PRR16: variants seen among roughly 807,000 people sequenced by gnomAD.
PRR16 encodes the protein protein Largen.
Under a neutral mutation model 18.2 loss-of-function variants are expected in PRR16, and 6 were observed. The ratio of observed to expected loss-of-function variants is 0.33; its 90% CI spans 0.18 to 0.65. The LOEUF is 0.65. Among genes scored for constraint, PRR16 ranks in the 30% least tolerant of loss-of-function variants. The pLI is 0.74. For missense variants in PRR16, 412 were observed against 376.6 expected, an observed-to-expected ratio of 1.09 and a Z score of -0.78; for synonymous variants, 151 against 147.8, an observed-to-expected ratio of 1.02 and a Z score of -0.16.
At chr5:120,645,232 C>T (rs1251839538) in intron 1 of PRR16, among the ~76,000 whole-genome samples, 3 of 151,924 alleles carry the variant, frequency 2.0e-5, no homozygotes, top group Non-Finnish European at 4.4e-5. Flanking sequence ...AAATTTTCAA[C>T]GTATGTGTTA....
At chr5:120,719,622 G>A in the PRR16 span, among the ~76,000 whole-genome samples, 5 of 152,026 alleles carry the variant, frequency 3.3e-5, no homozygotes, top group Non-Finnish European at 5.9e-5. Flanking sequence ...AACCAAAGAA[G>A]CCAGTTGTCT....
intron 1 of PRR16, among the ~76,000 whole-genome samples, chr5:120,642,799 C>T (rs1249517496): frequency 3.3e-5 from 5 of 151,962 alleles, no homozygotes; most frequent in Admixed American, 2.0e-4. Context: ...CATAGGCACA[C>T]GAAAACACTC....
At chr5:120,565,558 G>T (rs1322265881) in intron 1 of PRR16, among the ~76,000 whole-genome samples, 3 of 152,110 alleles carry the variant, frequency 2.0e-5, no homozygotes, top group Non-Finnish European at 4.4e-5. Flanking sequence ...AGGTGACCTG[G>T]AAAAATCATA....
At chr5:120,673,661 A>G (rs887570361) in intron 1 of PRR16, among the ~76,000 whole-genome samples, 1 of 152,146 alleles carries the variant, frequency 6.6e-6, no homozygotes, top group African/African-American at 2.4e-5. Context: ...GTACTAGGCC[A>G]GGCACAATGG....
chr5:120,616,391 G>A (rs966162513), intron 1 of PRR16, among the ~76,000 whole-genome samples: 1 of 152,120 alleles, frequency 6.6e-6, no homozygotes, highest in Non-Finnish European at 1.5e-5. Context: ...AATCCTTATA[G>A]TATCAACATC....
rs556161624 is a variant in PRR16, at chr5:120,564,577, C to T, written c.159+99932C>T. 6.6e-5 allele frequency among the ~76,000 whole-genome samples: 10 copies of T among 152,288 alleles called. No individual in the cohort carries two copies. The South Asian group carries it at 2.1e-3, about 32-fold the overall frequency. On this transcript the variant is annotated intron_variant, in intron 1 of 1. Coordinates refer to ENST00000407149, the MANE Select transcript of PRR16 (RefSeq NM_001300783.2). ...AATGGAAAGTTCCCCAGTCACTGTGCTCTCTCTTCCCCAAGTACACAGACT... is the reference window on the plus strand; with the variant it reads ...AATGGAAAGTTCCCCAGTCACTGTGTTCTCTCTTCCCCAAGTACACAGACT...
the PRR16 span, among the ~76,000 whole-genome samples, chr5:120,735,712 G>C: frequency 6.6e-6 from 1 of 151,686 alleles, no homozygotes; most frequent in Non-Finnish European, 1.5e-5. Flanking sequence ...ATATATTCTG[G>C]ATTTTTATAT....
At chr5:120,594,373 A>G (rs1390984310) in intron 1 of PRR16, among the ~76,000 whole-genome samples, 2 of 152,112 alleles carry the variant, frequency 1.3e-5, no homozygotes, top group African/African-American at 4.8e-5. Flanking sequence ...CAAAAAAATA[A>G]TAGTAATAAA....
At chr5:120,640,713 G>A (rs1755393399) in intron 1 of PRR16, among the ~76,000 whole-genome samples, 2 of 152,078 alleles carry the variant, frequency 1.3e-5, no homozygotes, top group South Asian at 4.1e-4. Context: ...TTAAAAAGTA[G>A]CTCAATGGTA....
chr5:120,494,065 TG>T (rs1187233907), intron 1 of PRR16, among the ~76,000 whole-genome samples: 1 of 152,208 alleles, frequency 6.6e-6, no homozygotes, highest in African/African-American at 2.4e-5. Context: ...ATACAATTAC[TG>T]GATCAAATGC....
the PRR16 span, among the ~76,000 whole-genome samples, chr5:120,785,539 GTC>G: frequency 6.7e-6 from 1 of 148,890 alleles, no homozygotes; most frequent in African/African-American, 2.5e-5. Flanking sequence ...ACACATAGAA[GTC>G]TCTGTGTATG....
the PRR16 span, among the ~76,000 whole-genome samples, chr5:120,744,459 T>C: frequency 4.6e-5 from 7 of 152,208 alleles, no homozygotes; most frequent in Non-Finnish European, 8.8e-5. Context: ...TAAGTTTTCT[T>C]TCCTGCATAT....
the PRR16 span, among the ~76,000 whole-genome samples, chr5:120,769,922 T>C: frequency 3.5e-5 from 5 of 144,770 alleles, no homozygotes; most frequent in Admixed American, 1.4e-4. Flanking sequence ...TGAGGTGATA[T>C]TTCGTTGTAC....
chr5:120,750,259 T>C, the PRR16 span, among the ~76,000 whole-genome samples: 3 of 152,142 alleles, frequency 2.0e-5, no homozygotes, highest in Non-Finnish European at 2.9e-5. Flanking sequence ...AGGTAAATTA[T>C]TGATTCATCC....
At chr5:120,601,997 T>C (rs144089384) in intron 1 of PRR16, among the ~76,000 whole-genome samples, 1 of 152,186 alleles carries the variant, frequency 6.6e-6, no homozygotes, top group East Asian at 1.9e-4. Context: ...TCAGGTAGTG[T>C]GATGGCCCAG....
intron 1 of PRR16, among the ~76,000 whole-genome samples, chr5:120,548,617 T>A (rs1220489125): frequency 6.6e-6 from 1 of 152,074 alleles, no homozygotes; most frequent in African/African-American, 2.4e-5. Flanking sequence ...GGGTCAGATG[T>A]TACTATTAGC....
chr5:120,589,134 T>TA (rs1561561024), intron 1 of PRR16, among the ~76,000 whole-genome samples: 1 of 152,144 alleles, frequency 6.6e-6, no homozygotes, highest in Non-Finnish European at 1.5e-5. Context: ...GTAAGCTTTT[T>TA]ATCCTAATAA....
chr5:120,561,021 G>A (rs1174192753), intron 1 of PRR16, among the ~76,000 whole-genome samples: 1 of 151,610 alleles, frequency 6.6e-6, no homozygotes, highest in Admixed American at 6.6e-5. Flanking sequence ...CTTCATTCTT[G>A]ATTAGTCTGG....
chr5:120,664,517 T>A (rs1264179981), intron 1 of PRR16, among the ~76,000 whole-genome samples: 3 of 151,730 alleles, frequency 2.0e-5, no homozygotes, highest in Non-Finnish European at 2.9e-5. Flanking sequence ...GCAGGTTAGT[T>A]ACATATGTAT....
Sources: allele counts gnomAD v4.1 joint callset (sites outside exome capture counted in the v4.1 genomes callset), GRCh38; gene constraint gnomAD v4.1.1; transcripts MANE v1.5; gene names NCBI Gene and HGNC (gene_info 2026-07-23, HGNC 2026-07-21).